KCNMA1: variants seen among roughly 807,000 people sequenced by gnomAD.
KCNMA1 encodes the protein potassium calcium-activated channel subfamily M alpha 1.
KCNMA1 carries 29 observed loss-of-function variants against 140.0 expected under a neutral mutation model. The ratio of observed to expected loss-of-function variants is 0.21; its 90% confidence interval spans 0.15 to 0.28. The LOEUF (loss-of-function observed/expected upper bound fraction) is 0.28, where lower values mean the gene tolerates loss of function less well. Among genes scored for constraint, KCNMA1 ranks in the 10% least tolerant of loss-of-function variants. The pLI, the probability that KCNMA1 is intolerant of heterozygous loss-of-function variation, is 1.00. For missense variants in KCNMA1, 880 were observed against 1,602.2 expected (o/e 0.55, Z 7.70); for synonymous variants, 612 against 611.9 (o/e 1.00, Z 0.00).
chr10:76,919,300 C>T (rs1052466037), intron 23 of KCNMA1, among the ~76,000 whole-genome samples: 4 of 152,096 alleles, frequency 2.6e-5, no homozygotes, highest in Non-Finnish European at 1.5e-5. Flanking sequence ...ACCCCAATAC[C>T]CCAATAACTT....
At chr10:76,981,061 T>G (rs1427182299) in intron 19 of KCNMA1, among the ~76,000 whole-genome samples, 1 of 152,202 alleles carries the variant, frequency 6.6e-6, no homozygotes, top group Non-Finnish European at 1.5e-5. Context: ...CCATGATTAT[T>G]GCCTTGGCTT....
At chr10:77,236,722 A>G (rs575518021) in intron 3 of KCNMA1, among the ~76,000 whole-genome samples, 37 of 152,372 alleles carry the variant, frequency 2.4e-4, no homozygotes, top group African/African-American at 8.4e-4. Flanking sequence ...AGATCTATAT[A>G]TGTAATGGAA....
chr10:76,957,844 T>C (rs921328421), intron 20 of KCNMA1, among the ~76,000 whole-genome samples: 1 of 152,186 alleles, frequency 6.6e-6, no homozygotes, highest in African/African-American at 2.4e-5. Flanking sequence ...GATTTCACAG[T>C]CTGGGAGTAA....
At chr10:77,370,238 TA>T (rs1160790951) in intron 2 of KCNMA1, among the ~76,000 whole-genome samples, 2 of 152,186 alleles carry the variant, frequency 1.3e-5, no homozygotes, top group Non-Finnish European at 2.9e-5. Context: ...TATTTCTCTT[TA>T]AAGTTGCAGG....
chr10:77,144,204 G>C (rs1344191542), intron 5 of KCNMA1, among the ~76,000 whole-genome samples: 2 of 152,154 alleles, frequency 1.3e-5, no homozygotes, highest in African/African-American at 2.4e-5. Context: ...TAAACAAATT[G>C]TGGTATATCC....
At chr10:77,141,521 A>C (rs553696007) in intron 5 of KCNMA1, among the ~76,000 whole-genome samples, 2 of 152,342 alleles carry the variant, frequency 1.3e-5, no homozygotes, top group Non-Finnish European at 2.9e-5. Context: ...AGCCGCCTGC[A>C]AGCCAGAAAG....
At chr10:77,392,269 A>AGGAAGGGAGGGAAG (rs1197112739) in intron 2 of KCNMA1, among the ~76,000 whole-genome samples, 1 of 117,056 alleles carries the variant, frequency 8.5e-6, no homozygotes, top group African/African-American at 3.3e-5. Flanking sequence ...AGGGAGGGAA[A>AGGAAGGGAGGGAAG]GGAAGGGAGG....
chr10:76,898,867 G>A (rs1324516957), intron 25 of KCNMA1, among the ~76,000 whole-genome samples: 1 of 151,572 alleles, frequency 6.6e-6, no homozygotes, highest in African/African-American at 2.4e-5. Context: ...TTAAAAAAAA[G>A]CAGGATGAAA....
chr10:77,634,809 AC>A, intron 1 of KCNMA1: 1 of 185,110 alleles, frequency 5.4e-6, no homozygotes, highest in Non-Finnish European at 1.0e-5. Flanking sequence ...ACACACACAC[AC>A]ACACAATTGC....
At chr10:77,131,122 T>C (rs910655728) in intron 5 of KCNMA1, among the ~76,000 whole-genome samples, 1 of 152,126 alleles carries the variant, frequency 6.6e-6, no homozygotes, top group African/African-American at 2.4e-5. Flanking sequence ...TGCATACACT[T>C]GAGGTGTTAA....
intron 2 of KCNMA1, among the ~76,000 whole-genome samples, chr10:77,295,801 A>AAAAAAC (rs1358834223): frequency 6.7e-6 from 1 of 149,786 alleles, no homozygotes; most frequent in East Asian, 1.9e-4. Flanking sequence ...AAAAAAAAAA[A>AAAAAAC]AAAAAAAAAA....
Position 76,988,785 on chromosome 10 carries a change from T to C in KCNMA1, c.2266+12622A>G, listed in dbSNP as rs556803315. Among the ~76,000 whole-genome samples the C allele has an allele frequency of 2.1e-4, 32 of 152,264 alleles. 1 individual carries two copies. Among genetic ancestry groups the C allele is most frequent in the African/African-American group, 7.7e-4 (32 of 41,566 alleles). On this transcript the variant is annotated intron_variant, in intron 19 of 27. Transcript: ENST00000286628. ...ATGATGAGACCTGAAGTCACAGTTT[T>C]CTAATGATCCCAGGACCTAAGGATT...
In KCNMA1 at chr10:76,923,440, A is replaced by G. The variant is rs1301814041; in HGVS notation, c.2903-8391T>C. Among the ~76,000 whole-genome samples the G allele has an allele frequency of 4.6e-5, 7 of 152,136 alleles. No individual in the cohort carries two copies. In the South Asian group the frequency reaches 6.2e-4, roughly 14 times the overall value. On this transcript the variant is annotated intron_variant, in intron 23 of 27. Coordinates refer to ENST00000286628, the MANE Select transcript of KCNMA1 (RefSeq NM_001161352.2). ...CGAGACTCCGTCTCAAAAAAAAAAA[A>G]AAAAAGAAAAAAAGAATTCGCTTAA...
At chr10:76,920,663 A>G (rs978256622) in intron 23 of KCNMA1, among the ~76,000 whole-genome samples, 2 of 152,202 alleles carry the variant, frequency 1.3e-5, no homozygotes, top group Non-Finnish European at 2.9e-5. Context: ...GAGCAGTGGC[A>G]TAACTGGCTC....
intron 18 of KCNMA1, among the ~76,000 whole-genome samples, chr10:77,002,383 C>T (rs2086764493): frequency 6.6e-6 from 1 of 152,160 alleles, no homozygotes; most frequent in African/African-American, 2.4e-5. Flanking sequence ...CTGCTTAAAG[C>T]TGAGAGGATC....
intron 3 of KCNMA1, chr10:77,217,574 A>C (rs1371849480): frequency 2.2e-6 from 1 of 456,358 alleles, no homozygotes; most frequent in Non-Finnish European, 4.4e-6. Flanking sequence ...GAATGAAAAC[A>C]TGGAGATACT....
chr10:76,908,432 T>C (rs116136178), intron 25 of KCNMA1, among the ~76,000 whole-genome samples: 1,530 of 152,336 alleles, frequency 0.01, 34 homozygotes, highest in African/African-American at 0.033. Flanking sequence ...TTCAGACGAA[T>C]GTCATTTCAC....
At chr10:77,566,143 A>C (rs2068223800) in intron 1 of KCNMA1, among the ~76,000 whole-genome samples, 1 of 152,190 alleles carries the variant, frequency 6.6e-6, no homozygotes, top group Non-Finnish European at 1.5e-5. Context: ...GGCTTTGGAA[A>C]TTAATGCCTA....
At chr10:77,616,257 C>G (rs1354090799) in intron 1 of KCNMA1, among the ~76,000 whole-genome samples, 3 of 152,214 alleles carry the variant, frequency 2.0e-5, no homozygotes, top group Non-Finnish European at 4.4e-5. Context: ...GACGTGCAAT[C>G]CAACCTGGAT....
Sources: gnomAD v4.1 joint callset for allele counts (sites outside exome capture counted in the v4.1 genomes callset) on GRCh38, gnomAD v4.1.1 for gene constraint, MANE v1.5 for transcripts, NCBI Gene and HGNC (gene_info 2026-07-23, HGNC 2026-07-21) for gene names.